AGBL1: variants seen among roughly 807,000 people sequenced by gnomAD.
AGBL1 encodes AGBL carboxypeptidase 1.
In AGBL1, 130 loss-of-function variants were observed where a neutral mutation model predicts 118.9. The observed-to-expected ratio is 1.09, with a 90% CI of 0.95 to 1.26. AGBL1 has a LOEUF of 1.26. Among genes scored for constraint, AGBL1 ranks in the 50% most tolerant of loss-of-function variants. The pLI is 0.00. For missense variants in AGBL1, 1,584 were observed against 1,298.1 expected, an observed-to-expected ratio of 1.22 and a Z score of -3.38; for synonymous variants, 555 against 478.9, an observed-to-expected ratio of 1.16 and a Z score of -2.08.
At chr15:86,405,878 A>C (rs1018915407) in intron 18 of AGBL1, among the ~76,000 whole-genome samples, 2 of 152,118 alleles carry the variant, frequency 1.3e-5, no homozygotes, top group Admixed American at 1.3e-4. Context: ...TACCACCTGT[A>C]ATAATGGAGG....
At chr15:86,455,200 C>T (rs905899908) in intron 18 of AGBL1, among the ~76,000 whole-genome samples, 6 of 152,126 alleles carry the variant, frequency 3.9e-5, no homozygotes, top group Non-Finnish European at 5.9e-5. Flanking sequence ...AATGCTGTGC[C>T]AGTATGTCTG....
At chr15:86,152,867 C>T (rs577177767) in intron 3 of AGBL1, among the ~76,000 whole-genome samples, 2 of 152,304 alleles carry the variant, frequency 1.3e-5, no homozygotes, top group Admixed American at 1.3e-4. Context: ...ACAGACATTT[C>T]TTAAAAGAAG....
intron 21 of AGBL1, among the ~76,000 whole-genome samples, chr15:86,575,719 G>A (rs919223857): frequency 6.6e-5 from 10 of 151,652 alleles, no homozygotes; most frequent in Admixed American, 3.3e-4. Context: ...CCTTCTAAGC[G>A]ACTGGGCCTA....
At chr15:86,266,142 C>T (rs1364218761) in intron 11 of AGBL1, among the ~76,000 whole-genome samples, 1 of 152,166 alleles carries the variant, frequency 6.6e-6, no homozygotes, top group Non-Finnish European at 1.5e-5. Context: ...AATCTAACAT[C>T]ACTACTTCCT....
intron 17 of AGBL1, among the ~76,000 whole-genome samples, chr15:86,376,966 A>G (rs545192102): frequency 6.6e-6 from 1 of 152,338 alleles, no homozygotes; most frequent in African/African-American, 2.4e-5. Flanking sequence ...AGGGCAAAAC[A>G]GATTATAGGG....
intron 18 of AGBL1, among the ~76,000 whole-genome samples, chr15:86,414,781 GC>G (rs2081667275): frequency 6.6e-6 from 1 of 152,094 alleles, no homozygotes. Context: ...GTTTCCCCAG[GC>G]TTTTAACTGA....
chr15:86,214,875 G>A (rs537530014), intron 5 of AGBL1, among the ~76,000 whole-genome samples: 14 of 152,126 alleles, frequency 9.2e-5, no homozygotes, highest in Middle Eastern at 3.2e-3. Context: ...CTGAGTGTTC[G>A]TAACCAAACC....
At chr15:86,091,022 A>G (rs1424787258) in intron 1 of AGBL1, among the ~76,000 whole-genome samples, 1 of 152,140 alleles carries the variant, frequency 6.6e-6, no homozygotes, top group Non-Finnish European at 1.5e-5. Flanking sequence ...ATTAACATAT[A>G]TAGGTTTCTT....
intron 16 of AGBL1, among the ~76,000 whole-genome samples, chr15:86,286,762 T>C (rs1422482994): frequency 4.0e-4 from 60 of 148,650 alleles, no homozygotes; most frequent in Middle Eastern, 7.0e-3. Context: ...ACTCCATCAA[T>C]GCGCACTGTG....
intron 18 of AGBL1, among the ~76,000 whole-genome samples, chr15:86,422,703 C>T (rs1203939688): frequency 6.6e-6 from 1 of 151,578 alleles, no homozygotes; most frequent in East Asian, 1.9e-4. Context: ...ACTAGCCAGA[C>T]TAATAAAAAA....
intron 21 of AGBL1, among the ~76,000 whole-genome samples, chr15:86,663,109 A>G (rs1411193147): frequency 2.0e-5 from 3 of 152,222 alleles, no homozygotes; most frequent in South Asian, 2.1e-4. Context: ...TTCCACACCT[A>G]TGGGTTAATG....
intron 23 of AGBL1, among the ~76,000 whole-genome samples, chr15:86,942,019 C>G (rs138706350): frequency 0.015 from 2,303 of 152,308 alleles, 21 homozygotes; most frequent in Non-Finnish European, 0.025. Flanking sequence ...GCATCCAACT[C>G]GAACCAGGCA....
At chr15:86,826,725 A>G (rs1016422746) in intron 22 of AGBL1, among the ~76,000 whole-genome samples, 4 of 152,116 alleles carry the variant, frequency 2.6e-5, no homozygotes, top group African/African-American at 9.7e-5. Context: ...CACTGGGGAT[A>G]AGGGAGCATC....
At chr15:86,756,701 C>G (rs186232530) in intron 22 of AGBL1, among the ~76,000 whole-genome samples, 7 of 152,112 alleles carry the variant, frequency 4.6e-5, no homozygotes, top group South Asian at 2.1e-4. Context: ...ATTTGTAAAA[C>G]CTGGAGCATC....
chr15:86,101,283 C>G (rs565229819), intron 1 of AGBL1, among the ~76,000 whole-genome samples: 26 of 152,206 alleles, frequency 1.7e-4, no homozygotes, highest in African/African-American at 6.0e-4. Flanking sequence ...AACATTTGGT[C>G]TATCCTGGAG....
At chr15:86,296,843 C>A (rs752066446) in intron 17 of AGBL1, 27 of 152,108 alleles carry the variant, frequency 1.8e-4, no homozygotes, top group Non-Finnish European at 3.4e-4. Flanking sequence ...TTTCATTGAA[C>A]AATTATTTAT....
At chr15:86,220,354 G>A (rs55642442) in intron 5 of AGBL1, among the ~76,000 whole-genome samples, 2 of 152,120 alleles carry the variant, frequency 1.3e-5, no homozygotes, top group East Asian at 3.9e-4. Context: ...TCACCCTCTA[G>A]CATTCCCGTG....
At chr15:86,888,526 G>C (rs2080004831) in intron 22 of AGBL1, among the ~76,000 whole-genome samples, 1 of 152,116 alleles carries the variant, frequency 6.6e-6, no homozygotes, top group African/African-American at 2.4e-5. Flanking sequence ...TCAATAATTT[G>C]AGGAGAAAAT....
Position 86,470,234 on chromosome 15 carries a change from G to A in AGBL1, c.2556-52576G>A, listed in dbSNP as rs74798621. Reference sequence around the variant, plus strand: ...GGATTTTAAGTGATTAATTTATTTCGAATTGACTTTGTATATAATGTGAGA... The same window carrying A: ...GGATTTTAAGTGATTAATTTATTTCAAATTGACTTTGTATATAATGTGAGA... On this transcript the variant is annotated intron_variant, in intron 18 of 22. Transcript: ENST00000614907. Among the ~76,000 whole-genome samples, 527 of 152,160 alleles carry A rather than the reference G, an allele frequency of 3.5e-3. 3 individuals carry two copies. Among genetic ancestry groups the A allele is most frequent in the African/African-American group, 0.012 (500 of 41,522 alleles).
Sources: gnomAD v4.1 joint callset for allele counts (sites outside exome capture counted in the v4.1 genomes callset) on GRCh38, gnomAD v4.1.1 for gene constraint, MANE v1.5 for transcripts, NCBI Gene and HGNC (gene_info 2026-07-23, HGNC 2026-07-21) for gene names.